The following ERI2 variants were observed in gnomAD, a reference collection of about 807,000 sequenced individuals.
ERI2 encodes ERI1 exoribonuclease family member 2, also known as ERI1 exoribonuclease 2.
Under a neutral mutation model 46.8 loss-of-function variants are expected in ERI2, and 35 were observed. The ratio of observed to expected loss-of-function variants is 0.75; its 90% confidence interval spans 0.57 to 0.99. The LOEUF is 0.99. ERI2 is among the 50% of genes least tolerant of loss of function. ERI2 has a pLI of 0.00. For missense variants in ERI2, 695 were observed against 796.2 expected, an observed-to-expected ratio of 0.87 and a Z score of 1.53; for synonymous variants, 224 against 271.0, an observed-to-expected ratio of 0.83 and a Z score of 1.70.
At chr16:20,805,623 T>C (rs2080856148) in intron 1 of ERI2, 1 of 153,122 alleles carries the variant, frequency 6.5e-6, no homozygotes, top group Non-Finnish European at 1.5e-5. Flanking sequence ...TCCCACAATT[T>C]AGCCTAAATA....
chr16:20,788,542 G>T (rs1159762755), intron 10 of ERI2, among the ~76,000 whole-genome samples: 2 of 152,164 alleles, frequency 1.3e-5, no homozygotes, highest in Non-Finnish European at 2.9e-5. Context: ...GGGGCTTCTT[G>T]TTCCTTAGCT....
downstream of ERI2, chr16:20,791,891 G>A: frequency 2.3e-6 from 3 of 1,291,252 alleles, no homozygotes; most frequent in South Asian, 2.9e-5. Context: ...TCGTACTACT[G>A]CACTCCAGCC....
At chr16:20,793,659 T>C (rs2080654416), downstream of ERI2, among the ~76,000 whole-genome samples, 1 of 152,282 alleles carries the variant, frequency 6.6e-6, no homozygotes, top group Middle Eastern at 3.4e-3. Context: ...ATTGGTAGTT[T>C]GTCAAGTTGC....
chr16:20,804,555 A>G (rs1371450050), intron 1 of ERI2, among the ~76,000 whole-genome samples: 1 of 152,076 alleles, frequency 6.6e-6, no homozygotes, highest in Non-Finnish European at 1.5e-5. Context: ...AGTCCCAACT[A>G]CTCAGGAGGC....
At position 20,798,041 on chromosome 16, in the gene ERI2, A is replaced by G; in HGVS notation, c.1759T>C (p.Trp587Arg). The change falls in exon 9 of 9, where the codon TGG becomes CGG. Residue 587 changes from tryptophan to arginine, a missense_variant. Transcript: ENST00000357967. ...LTSTVNLQEP[W>R]KSGKMTPPLC... ...GGAGGTGTCATTTTCCCACTCTTCC[A>G]TGGCTCTTGTAGGTTAACTGTAGAA... is the stretch of plus-strand genomic sequence containing the variant. The G allele has an allele frequency of 3.9e-6, 6 of 1,551,780 alleles. No homozygotes were observed. The highest frequency in any genetic ancestry group is 5.2e-6 in the Non-Finnish European group (6 of 1,146,964).
rs187852697 is a variant in ERI2, at chr16:20,786,770, C to G, written c.894+2709G>C. 7.6e-3 allele frequency among the ~76,000 whole-genome samples: 1,151 copies of G among 152,292 alleles called. 10 individuals carry two copies. Among genetic ancestry groups the G allele is most frequent in the African/African-American group, 0.027 (1,122 of 41,546 alleles). On this transcript the variant is annotated intron_variant, in intron 10 of 10. Transcript: ENST00000300005. The stretch of plus-strand genomic sequence containing the variant: ...TTAGAACCATTTTACAAACAAGGCA[C>G]AAAGAGGTAAAAGAACTCACCAGAA...
chr16:20,786,239 T>C (rs1335205107), intron 10 of ERI2: 3 of 1,515,126 alleles, frequency 2.0e-6, no homozygotes, highest in Non-Finnish European at 2.7e-6. Flanking sequence ...CATATAAACT[T>C]TCTTTGTTAT....
chr16:20,781,169 A>G (rs373702963), intron 10 of ERI2: 1 of 1,606,854 alleles, frequency 6.2e-7, no homozygotes, highest in South Asian at 1.1e-5. Flanking sequence ...TTAGAAATGC[A>G]TTAAGCAGTA....
chr16:20,798,274 A>C lies in ERI2; in HGVS notation c.1526T>G (p.Phe509Cys), dbSNP rs1354550455. 1.3e-6 allele frequency: 2 copies of C among 1,551,560 alleles called. No homozygotes were observed. Among genetic ancestry groups the C allele is most frequent in the African/African-American group, 1.4e-5 (1 of 73,162 alleles). Reference protein sequence around the residue: ...FKLPEHKSSTFNRVNANMSHP... With the variant: ...FKLPEHKSSTCNRVNANMSHP... ...AGACATATTGGCATTAACTCTGTTG[A>C]AGGTACTTGATTTGTGTTCAGGTAA... Residue 509 changes from phenylalanine (F) to cysteine (C), a missense_variant, in exon 9 of 9, where the codon TTC becomes TGC. Transcript: ENST00000357967.
chr16:20,791,665 G>A (rs2080600085), downstream of ERI2, among the ~76,000 whole-genome samples: 1 of 152,180 alleles, frequency 6.6e-6, no homozygotes, highest in Non-Finnish European at 1.5e-5. Context: ...GGTGGCTTAT[G>A]CCTGTAATCT....
Position 20,802,798 on chromosome 16 carries a change from G to C in ERI2, c.301C>G (p.Gln101Glu). 1 of 1,605,192 alleles carries C rather than the reference G, an allele frequency of 6.2e-7. No individual in the cohort carries two copies. Among genetic ancestry groups the C allele is most frequent in the Non-Finnish European group, 8.5e-7 (1 of 1,175,062 alleles). ...GAATTTTAAGATTTGCATCATACCT[G>C]CTTTATGCCTGTCAATTCCATGCAA... ...EFCMELTGIK[Q>E]AQVDEGVPLK... The change falls in exon 4 of 9, where the codon CAG becomes GAG. Residue 101 changes from glutamine (Q) to glutamate (E), a missense_variant and splice_region_variant. Transcript: ENST00000357967.
At chr16:20,781,005 A>T in intron 10 of ERI2, 1 of 1,614,182 alleles carries the variant, frequency 6.2e-7, no homozygotes, top group Non-Finnish European at 8.5e-7. Flanking sequence ...CTCAGATGTG[A>T]TGTGGAATAC....
intron 10 of ERI2, among the ~76,000 whole-genome samples, chr16:20,787,525 C>G (rs898614714): frequency 3.3e-5 from 5 of 152,186 alleles, no homozygotes. Context: ...GAGACCAATT[C>G]AATAGATTTG....
intron 10 of ERI2, chr16:20,780,912 T>C: frequency 1.2e-6 from 2 of 1,613,068 alleles, no homozygotes; most frequent in Non-Finnish European, 1.7e-6. Flanking sequence ...GATGATGACT[T>C]ATGTACTGGT....
chr16:20,788,963 T>C (rs2080533737), intron 10 of ERI2, among the ~76,000 whole-genome samples: 1 of 152,176 alleles, frequency 6.6e-6, no homozygotes, highest in South Asian at 2.1e-4. Context: ...CCCTTTCCTT[T>C]TGGAAAGTGC....
Position 20,797,644 on chromosome 16 carries a change from A to G in ERI2, c.*80T>C. Reference sequence around the variant, plus strand: ...AGTAAACATTAATATATAAAATAAAAATAAAATAGTGTAAGATGTTATCAG... The same window carrying G: ...AGTAAACATTAATATATAAAATAAAGATAAAATAGTGTAAGATGTTATCAG... On this transcript the variant is annotated 3_prime_UTR_variant, in exon 9 of 9. Coordinates refer to ENST00000357967, the MANE Select transcript of ERI2 (RefSeq NM_001142725.2). 1 of 1,382,954 alleles carries G rather than the reference A, an allele frequency of 7.2e-7. No individual in the cohort carries two copies. The highest frequency in any genetic ancestry group is 9.4e-7 in the Non-Finnish European group (1 of 1,066,386). 85.7% of individuals were successfully genotyped at this position (1,382,954 alleles called of 1,614,324 possible).
intron 10 of ERI2, chr16:20,781,883 C>A: frequency 2.2e-6 from 2 of 891,598 alleles, no homozygotes; most frequent in African/African-American, 1.7e-5. Flanking sequence ...AGCTCCAAGC[C>A]AGTAGACACA....
chr16:20,789,391 A>G, intron 10 of ERI2: 1 of 941,938 alleles, frequency 1.1e-6, no homozygotes, highest in Non-Finnish European at 1.7e-6. Flanking sequence ...TGTATTAAGT[A>G]CTTAATAAAT....
chr16:20,797,185 T>A lies in ERI2; in HGVS notation c.*539A>T. On this transcript the variant is annotated 3_prime_UTR_variant, in exon 9 of 9. Coordinates refer to ENST00000357967, the MANE Select transcript of ERI2 (RefSeq NM_001142725.2). ...TTAGTGTCAATGTTCCTATCATTTC[T>A]TAATATAAAAATAATACCATCAATT... The A allele has an allele frequency of 7.8e-7, 1 of 1,276,726 alleles. No homozygotes were observed. The highest frequency in any genetic ancestry group is 3.8e-5 in the East Asian group (1 of 26,562). 79.1% of individuals were successfully genotyped at this position (1,276,726 alleles called of 1,614,324 possible).
Sources: gnomAD v4.1 joint callset for allele counts (sites outside exome capture counted in the v4.1 genomes callset) on GRCh38, gnomAD v4.1.1 for gene constraint, MANE v1.5 for transcripts, NCBI Gene and HGNC (gene_info 2026-07-23, HGNC 2026-07-21) for gene names.